GLDN: variants seen among roughly 807,000 people sequenced by gnomAD.
The protein encoded by GLDN is collomin.
In GLDN, 47 loss-of-function variants were observed where a neutral mutation model predicts 56.5. The ratio of observed to expected loss-of-function variants is 0.83; its 90% CI spans 0.66 to 1.06. GLDN has a LOEUF of 1.06. GLDN is among the 50% of genes least tolerant of loss of function. The probability of loss-of-function intolerance (pLI) is 0.00; values close to 1 mark genes in which losing one functional copy is unlikely to be tolerated. For synonymous variants in GLDN, 332 were observed against 278.8 expected, an observed-to-expected ratio of 1.19 and a Z score of -1.90; for missense variants, 782 against 714.3, an observed-to-expected ratio of 1.09 and a Z score of -1.08.
chr15:51,404,805 G>T lies in GLDN; in HGVS notation c.*51G>T. 1 of 902,232 alleles carries T rather than the reference G, an allele frequency of 1.1e-6. No individual in the cohort carries two copies. The highest frequency in any genetic ancestry group is 1.6e-5 in the South Asian group (1 of 64,304). 55.9% of individuals were successfully genotyped at this position (902,232 alleles called of 1,614,324 possible). On this transcript the variant is annotated 3_prime_UTR_variant, in exon 10 of 10. Transcript: ENST00000335449. ...AAATTTCAGGGGTTTTCTGGGACCA[G>T]TTCTCCCCCAACAGGAAACTTGTTT...
intron 4 of GLDN, chr15:51,384,167 G>T: frequency 2.3e-6 from 1 of 440,426 alleles, no homozygotes; most frequent in South Asian, 2.2e-5. Context: ...AGGAGCAGGA[G>T]CCCACAGCCC....
At chr15:51,383,740 T>TC in intron 3 of GLDN, 45 bp from the exon 4 acceptor site, 1 of 1,408,530 alleles carries the variant, frequency 7.1e-7, no homozygotes, top group East Asian at 2.4e-5. Context: ...GAATAATTTT[T>TC]TTTTTTTTTT....
chr15:51,355,730 A>G (rs28769963), intron 1 of GLDN, among the ~76,000 whole-genome samples: 3,548 of 149,178 alleles, frequency 0.024, 154 homozygotes, highest in African/African-American at 0.081. Context: ...TCACCGTGTT[A>G]GCCGGGATGG....
downstream of GLDN, among the ~76,000 whole-genome samples, chr15:51,411,540 C>T (rs937129897): frequency 8.5e-5 from 13 of 152,300 alleles, no homozygotes; most frequent in African/African-American, 2.9e-4. Context: ...GACCTGATAA[C>T]AAATATTTTA....
At chr15:51,344,704 G>A (rs1211362307) in intron 1 of GLDN, among the ~76,000 whole-genome samples, 2 of 152,112 alleles carry the variant, frequency 1.3e-5, no homozygotes, top group Non-Finnish European at 2.9e-5. Flanking sequence ...ACTCTATGCA[G>A]ACTAATGTCA....
At position 51,360,216 on chromosome 15, in the gene GLDN, G is replaced by T. The variant is rs1246983562; in HGVS notation, c.364-17233G>T. ...AACGAGACAGATGAGACAAGAAAAA[G>T]GCCTCCACCTTAGTCATGGCCCTCA... On this transcript the variant is annotated intron_variant, in intron 1 of 9. Transcript: ENST00000335449. The T allele has an allele frequency of 1.3e-5, 2 of 152,134 alleles. 1 individual carries two copies. Among genetic ancestry groups the T allele is most frequent in the Middle Eastern group, 6.3e-3 (2 of 316 alleles). 9.4% of individuals were successfully genotyped at this position (152,134 alleles called of 1,614,324 possible). A position where few individuals can be genotyped will look rare whatever the true frequency, so the allele number is the denominator to read the frequency against.
chr15:51,357,352 G>A (rs1050085228), intron 1 of GLDN, among the ~76,000 whole-genome samples: 1 of 152,232 alleles, frequency 6.6e-6, no homozygotes, highest in Non-Finnish European at 1.5e-5. Context: ...ATCGGGAGAA[G>A]ACTTCTCGTC....
chr15:51,371,393 C>T (rs529349262), intron 1 of GLDN, among the ~76,000 whole-genome samples: 1 of 152,350 alleles, frequency 6.6e-6, no homozygotes, highest in African/African-American at 2.4e-5. Flanking sequence ...TTAACAGATA[C>T]TGCCAAGTTA....
Position 51,400,393 on chromosome 15 carries a change from G to A in GLDN, c.922G>A (p.Gly308Arg), listed in dbSNP as rs574215097. The change falls in exon 8 of 10, where the codon GGA (glycine) becomes AGA (arginine). Residue 308 changes from glycine to arginine, a missense_variant. Physicochemically the swap from Gly to Arg is moderately radical, Grantham distance 125. Coordinates refer to ENST00000335449, the MANE Select transcript of GLDN (RefSeq NM_181789.4). ...GGCAGAATCCATGATCACTTCCATT[G>A]GAAACCCAGTGCAAGTACTGAAAGT... ...PQAESMITSI[G>R]NPVQVLKVTE... 180 of 1,614,158 alleles carry A rather than the reference G, an allele frequency of 1.1e-4. 4 individuals carry two copies. The South Asian group carries it at 1.9e-3, about 17-fold the overall frequency.
chr15:51,381,334 C>T (rs2037755051), intron 2 of GLDN, among the ~76,000 whole-genome samples: 1 of 152,168 alleles, frequency 6.6e-6, no homozygotes, highest in Admixed American at 6.5e-5. Flanking sequence ...TTGGCTCCCT[C>T]TGTCGTCGCG....
chr15:51,363,796 A>T (rs530422092), intron 1 of GLDN, among the ~76,000 whole-genome samples: 1 of 152,230 alleles, frequency 6.6e-6, no homozygotes, highest in Non-Finnish European at 1.5e-5. Flanking sequence ...CTTGAGCACG[A>T]TACAGGTAGA....
At position 51,383,435 on chromosome 15, in the gene GLDN, G is replaced by T. The variant is rs752613646; in HGVS notation, c.416-1G>T. Reference sequence around the variant, plus strand: ...TCAACTAAATTTTTTTTCCGTTGTAGGACCTTCTGGACCACCAGGTAAGAG... The same window carrying T: ...TCAACTAAATTTTTTTTCCGTTGTATGACCTTCTGGACCACCAGGTAAGAG... On this transcript the variant is annotated splice_acceptor_variant, in intron 2 of 9. Coordinates refer to ENST00000335449, the MANE Select transcript of GLDN (RefSeq NM_181789.4). LOFTEE classifies it high-confidence loss of function. 1 of 1,613,998 alleles carries T rather than the reference G, an allele frequency of 6.2e-7. No homozygotes were observed. The highest frequency in any genetic ancestry group is 1.1e-5 in the South Asian group (1 of 91,064).
chr15:51,396,944 A>G (rs1323990139), intron 5 of GLDN, among the ~76,000 whole-genome samples: 2 of 151,692 alleles, frequency 1.3e-5, no homozygotes. Flanking sequence ...ATAAAATTTT[A>G]TTACACTTCT....
chr15:51,351,654 A>C (rs1021112186), intron 1 of GLDN, among the ~76,000 whole-genome samples: 5 of 152,192 alleles, frequency 3.3e-5, no homozygotes, highest in Non-Finnish European at 5.9e-5. Flanking sequence ...TCACCTGCCC[A>C]TGGTACTGCT....
chr15:51,354,714 GGT>G (rs1486898135), intron 1 of GLDN, among the ~76,000 whole-genome samples: 3 of 152,156 alleles, frequency 2.0e-5, no homozygotes, highest in Non-Finnish European at 2.9e-5. Flanking sequence ...AGGTTGGCTG[GGT>G]TAGAGAGAGG....
At chr15:51,344,388 A>C (rs1231747493) in intron 1 of GLDN, among the ~76,000 whole-genome samples, 1 of 152,188 alleles carries the variant, frequency 6.6e-6, no homozygotes, top group Admixed American at 6.5e-5. Context: ...AAAGCTTTTT[A>C]ATTTATGACA....
At chr15:51,394,655 C>A (rs560772258) in intron 4 of GLDN, among the ~76,000 whole-genome samples, 180 bp from the exon 5 acceptor site, 2 of 152,222 alleles carry the variant, frequency 1.3e-5, no homozygotes, top group African/African-American at 4.8e-5. Flanking sequence ...AGCAGAGCCA[C>A]CTGGAAATGC....
intron 4 of GLDN, among the ~76,000 whole-genome samples, chr15:51,387,432 G>T (rs2037921670): frequency 6.6e-6 from 1 of 152,122 alleles, no homozygotes; most frequent in African/African-American, 2.4e-5. Flanking sequence ...AGGGCAGGGA[G>T]GTAACAGCTT....
At chr15:51,401,482 G>A (rs1248788943) in intron 8 of GLDN, 111 bp from the exon 9 acceptor site, 2 of 928,242 alleles carry the variant, frequency 2.2e-6, no homozygotes, top group Admixed American at 2.1e-5. Flanking sequence ...AGGGACCTTA[G>A]GGAACATTTC....
Sources: allele counts gnomAD v4.1 joint callset (sites outside exome capture counted in the v4.1 genomes callset), GRCh38; gene constraint gnomAD v4.1.1; transcripts MANE v1.5; gene names NCBI Gene and HGNC (gene_info 2026-07-23, HGNC 2026-07-21).